Variants in SDK1 observed in about 807,000 individuals in gnomAD.
SDK1 encodes the protein protein sidekick-1.
In SDK1, 157 loss-of-function variants were observed where a neutral mutation model predicts 245.5. That is an observed-to-expected ratio of 0.64 (90% CI 0.56 to 0.73). The LOEUF (loss-of-function observed/expected upper bound fraction) is 0.73, where lower values mean the gene tolerates loss of function less well. Among genes scored for constraint, SDK1 ranks in the 30% least tolerant of loss-of-function variants. The pLI, the probability that SDK1 is intolerant of heterozygous loss-of-function variation, is 0.00. For synonymous variants in SDK1, 1,647 were observed against 1,278.5 expected (o/e 1.29, Z -6.15); for missense variants, 3,583 against 3,002.3 (o/e 1.19, Z -4.52).
intron 1 of SDK1, among the ~76,000 whole-genome samples, chr7:3,557,909 A>G (rs1779637450): frequency 6.6e-6 from 1 of 152,206 alleles, no homozygotes; most frequent in Non-Finnish European, 1.5e-5. Context: ...TCACATGTAG[A>G]TCATACCATA....
chr7:3,949,421 C>G (rs1308356528), intron 5 of SDK1, among the ~76,000 whole-genome samples: 2 of 152,244 alleles, frequency 1.3e-5, no homozygotes, highest in Non-Finnish European at 1.5e-5. Flanking sequence ...CCCGTCGTCT[C>G]TTTCCCGTTG....
intron 4 of SDK1, among the ~76,000 whole-genome samples, chr7:3,712,659 C>T (rs561327396): frequency 6.6e-6 from 1 of 152,282 alleles, no homozygotes; most frequent in South Asian, 2.1e-4. Context: ...ATTTCACTGC[C>T]TTCCTGAAGC....
intron 19 of SDK1, among the ~76,000 whole-genome samples, chr7:4,056,118 A>G (rs1013159742): frequency 2.0e-5 from 3 of 150,376 alleles, no homozygotes; most frequent in Non-Finnish European, 4.4e-5. Context: ...TCAATTGTAA[A>G]TTTTATGTCT....
intron 7 of SDK1, among the ~76,000 whole-genome samples, chr7:3,953,539 A>G (rs557103693): frequency 5.3e-5 from 8 of 152,322 alleles, no homozygotes; most frequent in African/African-American, 1.7e-4. Context: ...AGCACAGCAC[A>G]TTATAGATTC....
intron 22 of SDK1, among the ~76,000 whole-genome samples, chr7:4,089,481 C>G (rs570146081): frequency 5.8e-4 from 88 of 152,346 alleles, no homozygotes; most frequent in African/African-American, 1.9e-3. Flanking sequence ...CTGCTATTCT[C>G]CAGCAGTTCA....
chr7:3,713,206 A>G (rs1425015934), intron 4 of SDK1, among the ~76,000 whole-genome samples: 1 of 152,238 alleles, frequency 6.6e-6, no homozygotes, highest in Non-Finnish European at 1.5e-5. Flanking sequence ...GAATTGATGG[A>G]TGATGAAGAC....
chr7:4,021,434 C>A (rs1234726414), intron 17 of SDK1, among the ~76,000 whole-genome samples: 2 of 152,086 alleles, frequency 1.3e-5, no homozygotes, highest in East Asian at 1.9e-4. Flanking sequence ...AGAAACAGAC[C>A]CACAGTGACA....
At chr7:3,339,402 A>G (rs868636016) in intron 1 of SDK1, among the ~76,000 whole-genome samples, 3 of 152,192 alleles carry the variant, frequency 2.0e-5, no homozygotes, top group Non-Finnish European at 4.4e-5. Context: ...CTATACACCA[A>G]ATCAGCAAGA....
intron 5 of SDK1, among the ~76,000 whole-genome samples, chr7:3,872,576 G>T (rs1285165886): frequency 2.3e-5 from 3 of 127,804 alleles, no homozygotes; most frequent in South Asian, 2.7e-4. Flanking sequence ...ATTGTTTTTG[G>T]TATCTTTTTT....
rs16871049 is a variant in SDK1, at chr7:3,906,452, A to T, written c.848-44471A>T. On this transcript the variant is annotated intron_variant, in intron 5 of 44. Transcript: ENST00000404826. The stretch of plus-strand genomic sequence containing the variant: ...CGAGTGCAGGAGCTCATCTTCATTA[A>T]TTGTTACATTCATGGAACGCTCATG... 9.3e-3 allele frequency among the ~76,000 whole-genome samples: 1,412 copies of T among 151,826 alleles called. 28 individuals are homozygous for T. The highest frequency in any genetic ancestry group is 0.032 in the African/African-American group (1,342 of 41,348).
At chr7:4,002,190 T>C (rs1785123430) in intron 14 of SDK1, among the ~76,000 whole-genome samples, 1 of 152,244 alleles carries the variant, frequency 6.6e-6, no homozygotes, top group Non-Finnish European at 1.5e-5. Context: ...GAGCTCTGAC[T>C]AGACCAAGAG....
At chr7:3,928,943 G>GC (rs1371051608) in intron 5 of SDK1, among the ~76,000 whole-genome samples, 1 of 152,192 alleles carries the variant, frequency 6.6e-6, no homozygotes, top group Non-Finnish European at 1.5e-5. Context: ...CTGCAGCACA[G>GC]CCCTGGGCTT....
intron 20 of SDK1, among the ~76,000 whole-genome samples, chr7:4,070,141 A>C (rs1256882295): frequency 6.6e-6 from 1 of 152,228 alleles, no homozygotes; most frequent in Non-Finnish European, 1.5e-5. Context: ...TTGCCATGTA[A>C]AAAATACTAC....
intron 14 of SDK1, among the ~76,000 whole-genome samples, chr7:4,007,293 C>T (rs774098292): frequency 9.9e-5 from 15 of 152,116 alleles, no homozygotes; most frequent in Non-Finnish European, 1.8e-4. Context: ...TTCAAGAGCC[C>T]GAGGCAGTTG....
At chr7:3,898,786 C>T (rs1005920382) in intron 5 of SDK1, among the ~76,000 whole-genome samples, 13 of 152,206 alleles carry the variant, frequency 8.5e-5, no homozygotes, top group African/African-American at 2.4e-4. Context: ...TCGTTGGGAA[C>T]GTGTTTTAAT....
intron 1 of SDK1, among the ~76,000 whole-genome samples, chr7:3,324,335 A>C (rs752517885): frequency 6.6e-6 from 1 of 152,240 alleles, no homozygotes; most frequent in Admixed American, 6.5e-5. Flanking sequence ...ATTAATACCC[A>C]AATCAAAGCA....
At chr7:3,841,544 G>C (rs1212805487) in intron 5 of SDK1, among the ~76,000 whole-genome samples, 1 of 151,956 alleles carries the variant, frequency 6.6e-6, no homozygotes, top group African/African-American at 2.4e-5. Context: ...CTTAGGTCAA[G>C]TATTATCAGA....
chr7:4,258,952 A>G (rs188198323), intron 44 of SDK1, among the ~76,000 whole-genome samples: 30 of 152,274 alleles, frequency 2.0e-4, no homozygotes, highest in African/African-American at 6.5e-4. Flanking sequence ...AATACATGTG[A>G]TTTTCCCTAA....
chr7:4,154,778 C>A (rs758040096), intron 30 of SDK1, among the ~76,000 whole-genome samples: 27 of 152,098 alleles, frequency 1.8e-4, no homozygotes, highest in Non-Finnish European at 3.5e-4. Context: ...CATTGGAATT[C>A]TGCTTAGCCC....
Sources: gnomAD v4.1 joint callset for allele counts (sites outside exome capture counted in the v4.1 genomes callset) on GRCh38, gnomAD v4.1.1 for gene constraint, MANE v1.5 for transcripts, NCBI Gene and HGNC (gene_info 2026-07-23, HGNC 2026-07-21) for gene names.